Variants in SLC26A8 observed in about 807,000 individuals in gnomAD.
SLC26A8 encodes the protein solute carrier family 26 member 8, also known as testis anion transporter 1.
In SLC26A8, 70 loss-of-function variants were observed where a neutral mutation model predicts 105.0. The observed-to-expected ratio is 0.67, with a 90% CI of 0.55 to 0.81. SLC26A8 has a LOEUF of 0.81. SLC26A8 is among the 40% of genes least tolerant of loss of function. The probability of loss-of-function intolerance (pLI) is 0.00; values close to 1 mark genes in which losing one functional copy is unlikely to be tolerated. For synonymous variants in SLC26A8, 415 were observed against 438.3 expected (o/e 0.95, Z 0.66); for missense variants, 998 against 1,181.8 (o/e 0.84, Z 2.28).
At chr6:36,007,908 C>A (rs1761736935) in intron 3 of SLC26A8, among the ~76,000 whole-genome samples, 2 of 151,614 alleles carry the variant, frequency 1.3e-5, no homozygotes, top group African/African-American at 4.9e-5. Context: ...ATCACGAGGT[C>A]AGGAAATCGA....
intron 2 of SLC26A8, among the ~76,000 whole-genome samples, chr6:36,014,533 G>GT (rs1179267112): frequency 6.6e-6 from 1 of 152,072 alleles, no homozygotes; most frequent in Non-Finnish European, 1.5e-5. Flanking sequence ...CTATTAAGAG[G>GT]TTTTCTGCAG....
chr6:35,977,228 G>T lies in SLC26A8; in HGVS notation c.1149C>A (p.His383Gln). The T allele has an allele frequency of 6.2e-7, 1 of 1,614,072 alleles. No individual in the cohort carries two copies. The highest frequency in any genetic ancestry group is 8.5e-7 in the Non-Finnish European group (1 of 1,179,976). Reference sequence around the variant, plus strand: ...CCTGGTTGGAATTGACACTGTAATTGTGAAGACTGGCAATCTTCTTGCCCA... The same window carrying T: ...CCTGGTTGGAATTGACACTGTAATTTTGAAGACTGGCAATCTTCTTGCCCA... ...IFLGKKIASL[H>Q]NYSVNSNQDL... The change falls in exon 9 of 20, where the codon CAC (histidine) becomes CAA (glutamine). Residue 383 changes from histidine to glutamine, a missense_variant. By Grantham distance (24) the His-to-Gln change is conservative. Transcript: ENST00000490799.
chr6:35,987,496 C>T (rs904027069), intron 7 of SLC26A8, among the ~76,000 whole-genome samples: 2 of 152,020 alleles, frequency 1.3e-5, no homozygotes, highest in African/African-American at 4.8e-5. Context: ...CTCAGCCTCC[C>T]GAGTAGCTGG....
intron 17 of SLC26A8, among the ~76,000 whole-genome samples, chr6:35,952,962 C>T (rs892627258): frequency 5.3e-4 from 74 of 140,222 alleles, no homozygotes; most frequent in African/African-American, 1.9e-3. Context: ...TGCAGTGAGC[C>T]GAGATCATGC....
chr6:35,990,504 G>GAATTT (rs2127347372), intron 7 of SLC26A8: 1 of 154,084 alleles, frequency 6.5e-6, no homozygotes, highest in Non-Finnish European at 1.4e-5. Flanking sequence ...TCAACTCTTG[G>GAATTT]ATTTTATTTT....
At chr6:35,957,806 A>T (rs1028156861) in intron 16 of SLC26A8, among the ~76,000 whole-genome samples, 2 of 152,036 alleles carry the variant, frequency 1.3e-5, no homozygotes, top group Admixed American at 6.6e-5. Flanking sequence ...GGGTTTCACC[A>T]TGTTGGCCAG....
chr6:35,970,344 T>C (rs1404804068), intron 10 of SLC26A8, among the ~76,000 whole-genome samples: 5 of 152,222 alleles, frequency 3.3e-5, no homozygotes, highest in Non-Finnish European at 7.3e-5. Context: ...GTCCTGCTTC[T>C]TTCTTTCCCC....
Position 35,959,752 on chromosome 6 carries a change from C to T in SLC26A8, c.1693G>A (p.Val565Ile). The change falls in exon 15 of 20, where the codon GTA (valine) becomes ATA (isoleucine). Residue 565 changes from valine (V) to isoleucine (I), a missense_variant. Transcript: ENST00000490799. ...TTATGCTTTAGGTAGTAAACATTTA[C>T]AAATGTAATTGAGCTGCAGCACTGG... ...IFQCCSSITF[V>I]NVYYLKHKLL... 1 of 1,609,712 alleles carries T rather than the reference C, an allele frequency of 6.2e-7. No individual in the cohort carries two copies. The highest frequency in any genetic ancestry group is 8.5e-7 in the Non-Finnish European group (1 of 1,179,110).
rs925035871 is a variant in SLC26A8 at position 35,981,522 on chromosome 6, T to A, written c.1025+599A>T. On this transcript the variant is annotated intron_variant, in intron 8 of 19. Coordinates refer to ENST00000490799, the MANE Select transcript of SLC26A8 (RefSeq NM_052961.4). This position sits in a 1 kb window ranked among gnomAD's most constrained non-coding sequence, Gnocchi z 4.0. ...CCAGGCGTGGCAGTGCACGGCGGTGTACACCTGTAGTCCCAACTACTCAGA... is the reference window on the plus strand; with the variant it reads ...CCAGGCGTGGCAGTGCACGGCGGTGAACACCTGTAGTCCCAACTACTCAGA... Among the ~76,000 whole-genome samples the A allele has an allele frequency of 3.9e-5, 6 of 152,146 alleles. No individual in the cohort carries two copies. Among genetic ancestry groups the A allele is most frequent in the African/African-American group, 1.4e-4 (6 of 41,436 alleles).
intron 3 of SLC26A8, among the ~76,000 whole-genome samples, chr6:36,000,356 T>C (rs1390357712): frequency 6.6e-6 from 1 of 152,206 alleles, no homozygotes; most frequent in African/African-American, 2.4e-5. Flanking sequence ...CATCATTCAC[T>C]GCAAGGTCTT....
intron 3 of SLC26A8, among the ~76,000 whole-genome samples, chr6:36,008,536 C>T (rs185566821): frequency 3.5e-4 from 53 of 152,186 alleles, no homozygotes; most frequent in Admixed American, 8.5e-4. Flanking sequence ...ATACTAAAAA[C>T]GAGCCTATCA....
intron 10 of SLC26A8, chr6:35,969,845 G>A (rs2127312345): frequency 6.6e-6 from 1 of 152,348 alleles, no homozygotes; most frequent in African/African-American, 2.4e-5. Context: ...ACAAACATGA[G>A]TCAAGGCTGT....
At chr6:35,973,635 G>A (rs977733890) in intron 10 of SLC26A8, among the ~76,000 whole-genome samples, 4 of 151,926 alleles carry the variant, frequency 2.6e-5, no homozygotes, top group African/African-American at 9.7e-5. Context: ...CTTCCAGTGG[G>A]GCCAGGGAAG....
rs183901857 is a variant in SLC26A8 at position 35,992,772 on chromosome 6, G to A, written c.628-98C>T. 327 of 1,232,706 alleles carry A rather than the reference G, an allele frequency of 2.7e-4. 1 individual carries two copies. The Middle Eastern group carries it at 3.7e-3, about 14-fold the overall frequency. 76.4% of individuals were successfully genotyped at this position (1,232,706 alleles called of 1,614,324 possible). A position where few individuals can be genotyped will look rare whatever the true frequency, so the allele number is the denominator to read the frequency against. On this transcript the variant is annotated intron_variant, in intron 5 of 19. Transcript: ENST00000490799. ...GAAAAGAAGGGTTTCCAATAGAAAA[G>A]TTAAGATAGGCCCCTTTGGTAACTC... is the stretch of plus-strand genomic sequence containing the variant.
chr6:35,983,164 T>C (rs1773347226), intron 7 of SLC26A8, among the ~76,000 whole-genome samples: 1 of 152,178 alleles, frequency 6.6e-6, no homozygotes, highest in Non-Finnish European at 1.5e-5. Flanking sequence ...GATACTGTTA[T>C]CAGATGAAGA....
At chr6:36,022,145 T>C (rs1762142102) in intron 1 of SLC26A8, among the ~76,000 whole-genome samples, 1 of 152,066 alleles carries the variant, frequency 6.6e-6, no homozygotes, top group East Asian at 1.9e-4. Flanking sequence ...TTTTGTATTT[T>C]TGGTGGAGAC....
chr6:35,985,043 C>T (rs567924748), intron 7 of SLC26A8, among the ~76,000 whole-genome samples: 1 of 152,304 alleles, frequency 6.6e-6, no homozygotes, highest in South Asian at 2.1e-4. Context: ...TCCACAACCC[C>T]TTACCGTAAC....
At position 35,994,406 on chromosome 6, in the gene SLC26A8, G is replaced by A. The variant is rs114170713; in HGVS notation, c.628-1732C>T. On this transcript the variant is annotated intron_variant, in intron 5 of 19. Transcript: ENST00000490799. ...TGGGATTACAGGCGTGAGCCACTGC[G>A]CCCTGCCAACTGTCTCTCCCTTAAT... is the stretch of plus-strand genomic sequence containing the variant. Among the ~76,000 whole-genome samples, 1,313 of 151,984 alleles carry A rather than the reference G, an allele frequency of 8.6e-3. 23 individuals carry two copies. The highest frequency in any genetic ancestry group is 0.03 in the African/African-American group (1,252 of 41,464).
chr6:35,949,592 TATA>T (rs971323756), intron 19 of SLC26A8, among the ~76,000 whole-genome samples: 8 of 151,882 alleles, frequency 5.3e-5, no homozygotes, highest in African/African-American at 1.7e-4. Context: ...AAAAAGTAAA[TATA>T]ATAAGAAAAG....
Sources: allele counts gnomAD v4.1 joint callset (sites outside exome capture counted in the v4.1 genomes callset), GRCh38; gene constraint gnomAD v4.1.1; non-coding constraint Gnocchi (gnomAD v3.1); transcripts MANE v1.5; gene names NCBI Gene and HGNC (gene_info 2026-07-23, HGNC 2026-07-21).